The following PADI4 variants were observed in gnomAD, a reference collection of about 807,000 sequenced individuals.
PADI4 encodes the protein peptidyl arginine deiminase 4.
PADI4 carries 62 observed loss-of-function variants against 75.0 expected under a neutral mutation model. That is an observed-to-expected ratio of 0.83 (90% CI 0.67 to 1.02). The LOEUF (loss-of-function observed/expected upper bound fraction) is 1.02, where lower values mean the gene tolerates loss of function less well. PADI4 is among the 50% of genes least tolerant of loss of function. The pLI, the probability that PADI4 is intolerant of heterozygous loss-of-function variation, is 0.00. For synonymous variants in PADI4, 361 were observed against 348.1 expected (o/e 1.04, Z -0.41); for missense variants, 845 against 850.5 (o/e 0.99, Z 0.08).
intron 3 of PADI4, among the ~76,000 whole-genome samples, chr1:17,335,539 A>T (rs557962386): frequency 6.6e-6 from 1 of 152,342 alleles, no homozygotes; most frequent in East Asian, 1.9e-4. Context: ...TCACCATATC[A>T]TGCTGTGGGG....
Position 17,354,611 on chromosome 1 carries a change from G to A in PADI4, c.1234G>A (p.Val412Met). The change falls in exon 11 of 16, where the codon GTG becomes ATG. Residue 412 changes from valine (V) to methionine (M), a missense_variant. Val to Met is a conservative substitution (Grantham distance 21). Transcript: ENST00000375448. ...SGLDSFGNLE[V>M]SPPVTVRGKE... ...ACTGGACTCCTTTGGGAACCTGGAA[G>A]TGAGCCCCCCAGTCACAGTCAGGGG... 2.5e-6 allele frequency: 4 copies of A among 1,614,184 alleles called. No homozygotes were observed. The highest frequency in any genetic ancestry group is 3.4e-6 in the Non-Finnish European group (4 of 1,180,006).
At chr1:17,351,969 A>AGGGAGGTGAT (rs1397904197) in intron 10 of PADI4, among the ~76,000 whole-genome samples, 1 of 60,282 alleles carries the variant, frequency 1.7e-5, no homozygotes, top group African/African-American at 1.5e-4. Flanking sequence ...AGAGGCGGCC[A>AGGGAGGTGAT]GGGAGGTGAT....
rs35111705 is a variant in PADI4, at chr1:17,331,155, T to TG, written c.273+7dup. 8.7e-5 allele frequency: 140 copies of TG among 1,607,010 alleles called. No individual in the cohort carries two copies. The highest frequency in any genetic ancestry group is 4.8e-5 in the Non-Finnish European group (56 of 1,176,944). Reference sequence around the variant, plus strand: ...GTAGCACAGGCGACCAGAAGGTGAGTGTCATAGCTGTGGGGTGGCAGTGTG... The same window carrying TG: ...GTAGCACAGGCGACCAGAAGGTGAGTGGTCATAGCTGTGGGGTGGCAGTGTG... On this transcript the variant is annotated splice_region_variant and intron_variant, in intron 2 of 15. Coordinates refer to ENST00000375448, the MANE Select transcript of PADI4 (RefSeq NM_012387.3).
intron 7 of PADI4, 29 bp downstream of exon 7, chr1:17,342,150 G>C: frequency 6.2e-7 from 1 of 1,606,034 alleles, no homozygotes; most frequent in Non-Finnish European, 8.5e-7. Flanking sequence ...CCTGCATCGG[G>C]GGCCTGGGCT....
chr1:17,359,156 A>G (rs1570100895), intron 14 of PADI4, 124 bp from the exon 15 acceptor site: 2 of 758,150 alleles, frequency 2.6e-6, no homozygotes, highest in East Asian at 5.4e-5. Flanking sequence ...AGCCACCTTC[A>G]CTGCCTTCCT....
At chr1:17,314,515 TTTATTG>T (rs1476641048) in intron 1 of PADI4, among the ~76,000 whole-genome samples, 1 of 152,144 alleles carries the variant, frequency 6.6e-6, no homozygotes, top group African/African-American at 2.4e-5. Flanking sequence ...TGCTGCTTCA[TTTATTG>T]TTATTATTAG....
chr1:17,312,737 G>A (rs1321532201), intron 1 of PADI4, among the ~76,000 whole-genome samples: 1 of 152,124 alleles, frequency 6.6e-6, no homozygotes, highest in Non-Finnish European at 1.5e-5. Context: ...TTCCATGCCT[G>A]TGAAGATAAG....
intron 1 of PADI4, among the ~76,000 whole-genome samples, chr1:17,308,861 A>G (rs1005168325): frequency 1.3e-5 from 2 of 152,174 alleles, no homozygotes; most frequent in Admixed American, 6.5e-5. Flanking sequence ...CAGTTGCCTC[A>G]TCTGTGAAAT....
At chr1:17,339,594 G>A in intron 5 of PADI4, 94 bp from the exon 6 acceptor site, 1 of 1,335,290 alleles carries the variant, frequency 7.5e-7, no homozygotes, top group Non-Finnish European at 1.1e-6. Flanking sequence ...GGGGAGCGGT[G>A]GGGTGTGAGG....
Position 17,346,145 on chromosome 1 carries a change from T to C in PADI4, c.1047+6T>C, listed in dbSNP as rs1175993877. The C allele has an allele frequency of 1.9e-6, 3 of 1,583,212 alleles. No homozygotes were observed. Among genetic ancestry groups the C allele is most frequent in the Admixed American group, 1.7e-5 (1 of 59,914 alleles). On this transcript the variant is annotated splice_donor_region_variant and intron_variant, in intron 9 of 15. Coordinates refer to ENST00000375448, the MANE Select transcript of PADI4 (RefSeq NM_012387.3). This position sits in a 1 kb window ranked among gnomAD's most constrained non-coding sequence, Gnocchi z 4.3. The stretch of plus-strand genomic sequence containing the variant: ...TGGATGACCAGTGGATGCAGGTATG[T>C]GCCCTGCGGGGCAGGCAGGGTGACT...
chr1:17,330,805 G>A (rs992923897), intron 1 of PADI4, among the ~76,000 whole-genome samples, 164 bp from the exon 2 acceptor site: 6 of 152,136 alleles, frequency 3.9e-5, no homozygotes, highest in Non-Finnish European at 1.5e-5. Context: ...AACCTCCTCT[G>A]GCAACACCCT....
chr1:17,347,873 C>G (rs1225345788), intron 9 of PADI4, 68 bp from the exon 10 acceptor site: 2 of 786,202 alleles, frequency 2.5e-6, no homozygotes, highest in Non-Finnish European at 4.2e-6. Context: ...TTCATGCCCC[C>G]ATCCTGGCGT....
At chr1:17,345,911 A>G in intron 8 of PADI4, 117 bp from the exon 9 acceptor site, 1 of 644,962 alleles carries the variant, frequency 1.6e-6, no homozygotes, top group Non-Finnish European at 2.8e-6. Context: ...CGGACGTGCC[A>G]GGAGCCTCTG....
intron 1 of PADI4, among the ~76,000 whole-genome samples, chr1:17,325,237 A>G (rs1374693555): frequency 1.3e-5 from 2 of 152,136 alleles, no homozygotes; most frequent in Admixed American, 6.5e-5. Context: ...TAGTATTTCT[A>G]TTTATTTGGA....
Position 17,333,778 on chromosome 1 carries a change from T to C in PADI4, c.274-165T>C, listed in dbSNP as rs559924493. ...AGCACCAGTCATTCAAGCTTTTTGC[T>C]TTCCCTCCATTCCCATCGGATGGGG... is the stretch of plus-strand genomic sequence containing the variant. On this transcript the variant is annotated intron_variant, in intron 2 of 15. Coordinates refer to ENST00000375448, the MANE Select transcript of PADI4 (RefSeq NM_012387.3). 3.9e-5 allele frequency among the ~76,000 whole-genome samples: 6 copies of C among 152,198 alleles called. No individual in the cohort carries two copies. The East Asian group carries it at 1.2e-3, about 29-fold the overall frequency.
In PADI4 at chr1:17,315,487, G is replaced by C. The variant is rs575141609; in HGVS notation, c.92+7173G>C. The stretch of plus-strand genomic sequence containing the variant: ...GCAGGCGGAGGATAAAAGGGAAAGA[G>C]AGAAAAATTGAGAGGGATATGGAGA... On this transcript the variant is annotated intron_variant, in intron 1 of 15. Coordinates refer to ENST00000375448, the MANE Select transcript of PADI4 (RefSeq NM_012387.3). Among the ~76,000 whole-genome samples the C allele has an allele frequency of 2.0e-5, 3 of 152,250 alleles. No individual in the cohort carries two copies. In the East Asian group the frequency reaches 5.8e-4, roughly 29 times the overall value.
In PADI4 at chr1:17,341,928, C is replaced by T; in HGVS notation, c.653-15C>T. The stretch of plus-strand genomic sequence containing the variant: ...GTGGGGACGCAGACCTGAGTCTCCC[C>T]TGCCTCTCTCCTAGGGGGCAAACTG... On this transcript the variant is annotated splice_polypyrimidine_tract_variant and intron_variant, in intron 6 of 15. Transcript: ENST00000375448. 1 of 1,608,314 alleles carries T rather than the reference C, an allele frequency of 6.2e-7. No homozygotes were observed. The highest frequency in any genetic ancestry group is 1.7e-4 in the Middle Eastern group (1 of 6,032).
intron 1 of PADI4, among the ~76,000 whole-genome samples, chr1:17,328,155 C>G (rs1332187386): frequency 1.3e-5 from 2 of 152,026 alleles, no homozygotes; most frequent in African/African-American, 2.4e-5. Flanking sequence ...TTTTGAGTAT[C>G]CATGACTACA....
chr1:17,344,204 A>G (rs952577607), intron 8 of PADI4, among the ~76,000 whole-genome samples: 23 of 152,214 alleles, frequency 1.5e-4, no homozygotes, highest in Non-Finnish European at 3.2e-4. Context: ...TACCTGCCCT[A>G]GAGATTTGTG....
Sources: allele counts gnomAD v4.1 joint callset (sites outside exome capture counted in the v4.1 genomes callset), GRCh38; gene constraint gnomAD v4.1.1; non-coding constraint Gnocchi (gnomAD v3.1); transcripts MANE v1.5; gene names NCBI Gene and HGNC (gene_info 2026-07-23, HGNC 2026-07-21).